MEGF11: variants seen among roughly 807,000 people sequenced by gnomAD.
MEGF11 encodes multiple EGF like domains 11.
In MEGF11, 126 loss-of-function variants were observed where a neutral mutation model predicts 146.6. That is an observed-to-expected ratio of 0.86 (90% confidence interval 0.74 to 1.00). MEGF11 has a LOEUF of 1.00. Ranked by LOEUF, MEGF11 falls within the 50% of genes least tolerant of loss-of-function variation. The pLI is 0.00. For missense variants in MEGF11, 1,509 were observed against 1,521.2 expected, an observed-to-expected ratio of 0.99 and a Z score of 0.13; for synonymous variants, 532 against 583.4, an observed-to-expected ratio of 0.91 and a Z score of 1.27.
chr15:65,999,904 C>T (rs1274181202), intron 5 of MEGF11, among the ~76,000 whole-genome samples: 2 of 152,178 alleles, frequency 1.3e-5, no homozygotes, highest in Non-Finnish European at 2.9e-5. Flanking sequence ...AGGGGAGGCA[C>T]TTGGTTTGGG....
At chr15:66,231,626 C>G (rs1405505956) in intron 1 of MEGF11, among the ~76,000 whole-genome samples, 2 of 152,200 alleles carry the variant, frequency 1.3e-5, no homozygotes, top group African/African-American at 4.8e-5. Flanking sequence ...AACTCCCGCC[C>G]CTCCCTTGCT....
chr15:66,072,051 C>T (rs1288768031), intron 5 of MEGF11, among the ~76,000 whole-genome samples: 2 of 152,210 alleles, frequency 1.3e-5, no homozygotes, highest in Non-Finnish European at 1.5e-5. Flanking sequence ...GGGGCCTGTG[C>T]CTTCTCTGAG....
chr15:66,213,581 C>CT (rs10572080), intron 1 of MEGF11, among the ~76,000 whole-genome samples: 213 of 142,620 alleles, frequency 1.5e-3, no homozygotes, highest in Admixed American at 2.4e-3. Context: ...CATCCAGAAA[C>CT]TTTTTTTTTT....
At chr15:66,016,568 G>A (rs1435830145) in intron 5 of MEGF11, among the ~76,000 whole-genome samples, 1 of 138,450 alleles carries the variant, frequency 7.2e-6, no homozygotes, top group South Asian at 2.4e-4. Context: ...CTGCAACACC[G>A]ACAAAGTGTC....
intron 5 of MEGF11, among the ~76,000 whole-genome samples, chr15:65,994,775 C>T (rs80217911): frequency 0.011 from 1,737 of 152,338 alleles, 41 homozygotes; most frequent in African/African-American, 0.04. Context: ...CTCTGCTGAT[C>T]GTCCAGCAGC....
intron 4 of MEGF11, among the ~76,000 whole-genome samples, chr15:66,111,929 C>T (rs1308749955): frequency 6.6e-6 from 1 of 152,114 alleles, no homozygotes; most frequent in African/African-American, 2.4e-5. Flanking sequence ...CCAAACACAG[C>T]ATAAAATCCC....
At chr15:66,082,466 AATCTATCTATCTATCTATCT>A (rs200466707) in intron 5 of MEGF11, among the ~76,000 whole-genome samples, 45 of 72,646 alleles carry the variant, frequency 6.2e-4, no homozygotes, top group East Asian at 2.5e-3. Context: ...AAAAAAAAAA[AATCTATCTATCTATCTATCT>A]ATCTATCTAT....
At chr15:66,195,256 A>T (rs2090980594) in intron 1 of MEGF11, among the ~76,000 whole-genome samples, 1 of 152,340 alleles carries the variant, frequency 6.6e-6, no homozygotes, top group South Asian at 2.1e-4. Context: ...TTCTCTCCAA[A>T]TATAATCACA....
chr15:66,201,733 A>G (rs2091162239), intron 1 of MEGF11, among the ~76,000 whole-genome samples: 1 of 149,626 alleles, frequency 6.7e-6, no homozygotes, highest in Non-Finnish European at 1.5e-5. Flanking sequence ...CAGGAGGTTG[A>G]GACCAGCCTG....
Position 66,109,468 on chromosome 15 carries a change from A to G in MEGF11, c.301+9618T>C, listed in dbSNP as rs77153434. Among the ~76,000 whole-genome samples the G allele has an allele frequency of 4.7e-3, 719 of 152,286 alleles. 10 individuals are homozygous for G. Among genetic ancestry groups the G allele is most frequent in the African/African-American group, 0.016 (678 of 41,560 alleles). ...AGCTAAGTTTTACTGAGCTCTTCAC[A>G]TGCCAGGCCCTCTACTAAATGCTTT... On this transcript the variant is annotated intron_variant, in intron 4 of 25. Coordinates refer to ENST00000395614, the MANE Select transcript of MEGF11 (RefSeq NM_001385028.1).
chr15:65,916,352 C>T, intron 17 of MEGF11, 76 bp from the exon 18 acceptor site: 1 of 1,477,134 alleles, frequency 6.8e-7, no homozygotes, highest in Admixed American at 2.2e-5. Flanking sequence ...CCAGACCTGT[C>T]TTCTGTCTCT....
At chr15:66,097,655 G>A in intron 4 of MEGF11, among the ~76,000 whole-genome samples, 1 of 149,888 alleles carries the variant, frequency 6.7e-6, no homozygotes, top group Non-Finnish European at 1.5e-5. Flanking sequence ...GCCCCACCAA[G>A]AAATATGAAC....
At chr15:66,202,197 C>A (rs2091180716) in intron 1 of MEGF11, among the ~76,000 whole-genome samples, 2 of 151,930 alleles carry the variant, frequency 1.3e-5, no homozygotes, top group South Asian at 4.2e-4. Context: ...CTTACCTGTG[C>A]ACACCCACCA....
intron 7 of MEGF11, among the ~76,000 whole-genome samples, chr15:65,978,145 G>T (rs1321811408): frequency 1.3e-5 from 2 of 152,208 alleles, no homozygotes; most frequent in Non-Finnish European, 2.9e-5. Context: ...GAGGTGCATG[G>T]TGTGAATAAG....
At chr15:66,181,767 G>A (rs1266532233) in intron 1 of MEGF11, among the ~76,000 whole-genome samples, 1 of 152,162 alleles carries the variant, frequency 6.6e-6, no homozygotes, top group Non-Finnish European at 1.5e-5. Context: ...TGCCAATGCT[G>A]GGGGAGGGGC....
intron 3 of MEGF11, among the ~76,000 whole-genome samples, chr15:66,123,472 G>A (rs935344508): frequency 2.0e-5 from 3 of 152,150 alleles, no homozygotes; most frequent in Non-Finnish European, 4.4e-5. Flanking sequence ...AGGAAGTACC[G>A]GTAGGAGGAT....
intron 9 of MEGF11, 57 bp downstream of exon 9, chr15:65,964,851 C>T (rs1258430415): frequency 6.8e-7 from 1 of 1,472,522 alleles, no homozygotes; most frequent in African/African-American, 1.4e-5. Flanking sequence ...AGCAAGCCTC[C>T]TCTCTACCTG....
intron 5 of MEGF11, among the ~76,000 whole-genome samples, chr15:65,992,450 T>TGTGTGG (rs776847440): frequency 1.5e-3 from 187 of 126,608 alleles, no homozygotes; most frequent in African/African-American, 2.4e-3. Flanking sequence ...TGTGTGTGTG[T>TGTGTGG]GGGGGGGGGG....
intron 5 of MEGF11, among the ~76,000 whole-genome samples, chr15:66,045,054 G>C (rs1345739121): frequency 6.6e-6 from 1 of 151,950 alleles, no homozygotes; most frequent in Non-Finnish European, 1.5e-5. Context: ...GGATAGTCTG[G>C]GTCCTGCTGC....
Sources: gnomAD v4.1 joint callset for allele counts (sites outside exome capture counted in the v4.1 genomes callset) on GRCh38, gnomAD v4.1.1 for gene constraint, MANE v1.5 for transcripts, NCBI Gene and HGNC (gene_info 2026-07-23, HGNC 2026-07-21) for gene names.